The following ABCB1 variants were observed in gnomAD, a reference collection of about 807,000 sequenced individuals.
The protein encoded by ABCB1 is ATP-dependent translocase ABCB1.
Under a neutral mutation model 142.0 loss-of-function variants are expected in ABCB1, and 69 were observed. That is an observed-to-expected ratio of 0.49 (90% CI 0.40 to 0.59). The LOEUF (loss-of-function observed/expected upper bound fraction) is 0.59. Among genes scored for constraint, ABCB1 ranks in the 20% least tolerant of loss-of-function variants. The probability of loss-of-function intolerance (pLI) is 0.00; values close to 1 mark genes in which losing one functional copy is unlikely to be tolerated. For synonymous variants in ABCB1, 532 were observed against 539.2 expected (o/e 0.99, Z 0.18); for missense variants, 1,326 against 1,554.7 (o/e 0.85, Z 2.47).
intron 20 of ABCB1, among the ~76,000 whole-genome samples, chr7:87,532,980 C>T (rs1042677628): frequency 1.3e-5 from 2 of 152,220 alleles, no homozygotes; most frequent in East Asian, 3.9e-4. Flanking sequence ...CTATAACTAT[C>T]AGTAGCCTTT....
At chr7:87,614,795 C>A (rs1439809548) in intron 1 of ABCB1, among the ~76,000 whole-genome samples, 2 of 150,626 alleles carry the variant, frequency 1.3e-5, no homozygotes, top group Non-Finnish European at 3.0e-5. Flanking sequence ...ATGGTTTTGC[C>A]TTTTATTCTT....
chr7:87,576,424 T>C (rs1584894862), intron 4 of ABCB1, among the ~76,000 whole-genome samples: 1 of 149,330 alleles, frequency 6.7e-6, no homozygotes, highest in South Asian at 2.1e-4. Context: ...TGTGTGTAAG[T>C]ATATATTATA....
intron 1 of ABCB1, among the ~76,000 whole-genome samples, chr7:87,630,948 G>A (rs1236388358): frequency 6.6e-6 from 1 of 152,086 alleles, no homozygotes; most frequent in Non-Finnish European, 1.5e-5. Context: ...TCTGGGGACA[G>A]CTCTCTGTAT....
chr7:87,537,208 G>A (rs1337650508), intron 19 of ABCB1: 2 of 153,612 alleles, frequency 1.3e-5, no homozygotes, highest in African/African-American at 4.8e-5. Context: ...ACTGTTTATG[G>A]AGTAGACGGT....
At chr7:87,512,982 G>C (rs890146471) in intron 25 of ABCB1, among the ~76,000 whole-genome samples, 9 of 152,290 alleles carry the variant, frequency 5.9e-5, no homozygotes, top group African/African-American at 1.7e-4. Context: ...AGTTTCCCTT[G>C]GTTCTGGAAG....
rs183503012 is a variant in ABCB1 at position 87,691,464 on chromosome 7, T to A, written c.-331+21697A>T. On this transcript the variant is annotated intron_variant, in intron 1 of 28. Coordinates refer to the ABCB1 transcript ENST00000265724. ...TTTCTGAACCTGGTTTCTTTGGTAT[T>A]GTCTCAAGTATTTTTCTAAGCTACA... Among the ~76,000 whole-genome samples the A allele has an allele frequency of 3.3e-5, 5 of 152,282 alleles. No individual in the cohort carries two copies. In the East Asian group the frequency reaches 7.7e-4, roughly 23 times the overall value.
At chr7:87,524,918 T>C (rs564143705) in intron 21 of ABCB1, among the ~76,000 whole-genome samples, 1 of 152,152 alleles carries the variant, frequency 6.6e-6, no homozygotes, top group Non-Finnish European at 1.5e-5. Context: ...TTAAGAAATA[T>C]TTTCTGTGCA....
intron 4 of ABCB1, among the ~76,000 whole-genome samples, chr7:87,579,347 T>C (rs1280469553): frequency 6.6e-6 from 1 of 152,206 alleles, no homozygotes; most frequent in Non-Finnish European, 1.5e-5. Context: ...GGTGTGATAC[T>C]AGCTGTGGGT....
intron 26 of ABCB1, among the ~76,000 whole-genome samples, chr7:87,507,228 C>T (rs1239885207): frequency 2.6e-5 from 4 of 152,124 alleles, no homozygotes; most frequent in Non-Finnish European, 5.9e-5. Context: ...TTCTGTGTGA[C>T]AGATTAGAGA....
chr7:87,570,669 A>T (rs148171076), intron 4 of ABCB1, among the ~76,000 whole-genome samples: 1 of 152,340 alleles, frequency 6.6e-6, no homozygotes, highest in African/African-American at 2.4e-5. Flanking sequence ...AGTGTAATAA[A>T]CACCAGTGAG....
At chr7:87,679,722 A>T (rs1585082268) in intron 1 of ABCB1, among the ~76,000 whole-genome samples, 1 of 150,176 alleles carries the variant, frequency 6.7e-6, no homozygotes, top group Non-Finnish European at 1.5e-5. Context: ...TTTATAAAAT[A>T]CTCCTCAGTG....
At chr7:87,511,888 TG>T (rs1815028694) in intron 25 of ABCB1, among the ~76,000 whole-genome samples, 1 of 152,062 alleles carries the variant, frequency 6.6e-6, no homozygotes, top group Non-Finnish European at 1.5e-5. Flanking sequence ...TGGGAGAGAC[TG>T]GAAAGGGGAG....
At chr7:87,516,689 T>C (rs762688596) in intron 23 of ABCB1, 24 bp from the exon 24 acceptor site, 1 of 1,599,216 alleles carries the variant, frequency 6.3e-7, no homozygotes, top group Non-Finnish European at 8.5e-7. Context: ...ACACAAAACA[T>C]GTGCACAGCA....
chr7:87,592,127 G>T (rs531294393), intron 3 of ABCB1, among the ~76,000 whole-genome samples: 6 of 152,314 alleles, frequency 3.9e-5, no homozygotes, highest in Non-Finnish European at 7.3e-5. Flanking sequence ...GGCCACTTTT[G>T]TGTGTGAAGG....
chr7:87,697,749 C>G (rs117327090), intron 1 of ABCB1, among the ~76,000 whole-genome samples: 2 of 152,184 alleles, frequency 1.3e-5, no homozygotes, highest in Admixed American at 1.3e-4. Context: ...ATCCTTACAA[C>G]AGTACTATCC....
intron 25 of ABCB1, among the ~76,000 whole-genome samples, chr7:87,514,209 G>A (rs984454262): frequency 1.3e-5 from 2 of 152,142 alleles, no homozygotes; most frequent in Non-Finnish European, 1.5e-5. Flanking sequence ...CACAGCGGGT[G>A]GGCATCCATC....
chr7:87,620,171 C>CT (rs1320750574), intron 1 of ABCB1, among the ~76,000 whole-genome samples: 4 of 149,044 alleles, frequency 2.7e-5, no homozygotes, highest in South Asian at 4.2e-4. Context: ...TTCTTTCTTT[C>CT]TTTTTTTTAG....
At chr7:87,600,325 G>A (rs776221981) in intron 1 of ABCB1, 135 bp from the exon 2 acceptor site, 2 of 732,388 alleles carry the variant, frequency 2.7e-6, no homozygotes, top group Non-Finnish European at 4.9e-6. Context: ...CAGCTGCTCT[G>A]GCCGCGATGG....
intron 4 of ABCB1, among the ~76,000 whole-genome samples, chr7:87,575,798 T>C (rs1414767555): frequency 1.3e-5 from 2 of 152,208 alleles, no homozygotes; most frequent in African/African-American, 4.8e-5. Flanking sequence ...GCCTCTTGCC[T>C]GACCTTCCTG....
Sources: gnomAD v4.1 joint callset for allele counts (sites outside exome capture counted in the v4.1 genomes callset) on GRCh38, gnomAD v4.1.1 for gene constraint, MANE v1.5 for transcripts, NCBI Gene and HGNC (gene_info 2026-07-23, HGNC 2026-07-21) for gene names.